SFXN5: variants seen among roughly 807,000 people sequenced by gnomAD.
SFXN5 encodes sideroflexin 5.
Under a neutral mutation model 50.2 loss-of-function variants are expected in SFXN5, and 43 were observed. The ratio of observed to expected loss-of-function variants is 0.86; its 90% CI spans 0.67 to 1.11. The LOEUF (loss-of-function observed/expected upper bound fraction) is 1.11, where lower values mean the gene tolerates loss of function less well. Among genes scored for constraint, SFXN5 ranks in the 50% least tolerant of loss-of-function variants. The probability of loss-of-function intolerance (pLI) is 0.00; values close to 1 mark genes in which losing one functional copy is unlikely to be tolerated. For missense variants in SFXN5, 463 were observed against 454.1 expected (o/e 1.02, Z -0.18); for synonymous variants, 203 against 185.8 (o/e 1.09, Z -0.75).
chr2:72,973,707 C>T lies in SFXN5; in HGVS notation c.626-2022G>A, dbSNP rs995730746. ...ATATCTCTCCCGCCTCAGCCCCAGG[C>T]GCCCAGGGCTCAGGGCCCAGAAGGG... On this transcript the variant is annotated intron_variant, in intron 10 of 13. Coordinates refer to ENST00000272433, the MANE Select transcript of SFXN5 (RefSeq NM_144579.3). The surrounding 1 kb of genome is among the most constrained non-coding windows in gnomAD (Gnocchi z 5.5). Among the ~76,000 whole-genome samples, 1 of 152,186 alleles carries T rather than the reference C, an allele frequency of 6.6e-6. No individual in the cohort carries two copies.
intron 1 of SFXN5, chr2:73,071,012 G>C (rs1020018878): frequency 6.6e-6 from 1 of 152,556 alleles, no homozygotes; most frequent in Non-Finnish European, 1.5e-5. Context: ...TGGAGAGCAG[G>C]GACGGGGGAC....
chr2:73,055,069 G>C (rs1024554195), intron 2 of SFXN5, among the ~76,000 whole-genome samples: 1 of 152,200 alleles, frequency 6.6e-6, no homozygotes, highest in African/African-American at 2.4e-5. Context: ...CTAGGCCCAG[G>C]TGCCCAGCAA....
In SFXN5 at chr2:72,973,317, A is replaced by C. The variant is rs1186978245; in HGVS notation, c.626-1632T>G. On this transcript the variant is annotated intron_variant, in intron 10 of 13. Coordinates refer to ENST00000272433, the MANE Select transcript of SFXN5 (RefSeq NM_144579.3). The surrounding 1 kb of genome is among the most constrained non-coding windows in gnomAD (Gnocchi z 5.5). Reference sequence around the variant, plus strand: ...CTCCTGCCCCACAACAGGCATGCTCACCTGCCCTAAACAGCCGCTCTCTGC... The same window carrying C: ...CTCCTGCCCCACAACAGGCATGCTCCCCTGCCCTAAACAGCCGCTCTCTGC... 5.9e-6 allele frequency: 1 copy of C among 168,944 alleles called. No individual in the cohort carries two copies. The highest frequency in any genetic ancestry group is 1.5e-5 in the Non-Finnish European group (1 of 68,154). 10.5% of individuals were successfully genotyped at this position (168,944 alleles called of 1,614,324 possible).
intron 9 of SFXN5, among the ~76,000 whole-genome samples, chr2:72,991,642 A>G (rs998588513): frequency 3.3e-5 from 5 of 152,258 alleles, no homozygotes; most frequent in Non-Finnish European, 5.9e-5. Context: ...GCTGCAGACC[A>G]GGGGTTAGGA....
At chr2:72,970,350 G>GT (rs1559103129) in intron 11 of SFXN5, among the ~76,000 whole-genome samples, 1 of 152,226 alleles carries the variant, frequency 6.6e-6, no homozygotes, top group Non-Finnish European at 1.5e-5. Flanking sequence ...TCCAGTGCCA[G>GT]TGCAGGGAGC....
At chr2:73,028,234 G>C (rs1426101783) in intron 3 of SFXN5, among the ~76,000 whole-genome samples, 3 of 152,248 alleles carry the variant, frequency 2.0e-5, no homozygotes, top group African/African-American at 7.2e-5. Flanking sequence ...AGTGAGGCAT[G>C]ACTGTATCTT....
chr2:72,958,574 C>T (rs1411588391), intron 13 of SFXN5, among the ~76,000 whole-genome samples: 1 of 152,156 alleles, frequency 6.6e-6, no homozygotes, highest in Admixed American at 6.5e-5. Context: ...CACAGAGGTA[C>T]CTATAAACAC....
rs142517034 is a variant in SFXN5, at chr2:72,994,428, C to T, written c.534+4521G>A. On this transcript the variant is annotated intron_variant, in intron 9 of 13. Coordinates refer to ENST00000272433, the MANE Select transcript of SFXN5 (RefSeq NM_144579.3). ...TAGTGAAGGTTAACAGCCACTGCAT[C>T]CTACACAGAAGGGACCCCCCAGGGC... 1.4e-3 allele frequency among the ~76,000 whole-genome samples: 209 copies of T among 152,244 alleles called. 1 individual carries two copies. Among genetic ancestry groups the T allele is most frequent in the African/African-American group, 4.7e-3 (194 of 41,550 alleles).
intron 6 of SFXN5, among the ~76,000 whole-genome samples, chr2:73,007,939 G>A (rs1003634335): frequency 1.3e-5 from 2 of 152,206 alleles, no homozygotes; most frequent in African/African-American, 4.8e-5. Context: ...CTTCACTGGA[G>A]CGACACCTCC....
chr2:73,017,126 G>A (rs184323268), intron 6 of SFXN5, among the ~76,000 whole-genome samples: 37 of 152,222 alleles, frequency 2.4e-4, no homozygotes, highest in African/African-American at 5.5e-4. Context: ...ACCATCGTAC[G>A]TCAGACACAT....
At chr2:73,054,347 A>C (rs1176042808) in intron 2 of SFXN5, among the ~76,000 whole-genome samples, 2 of 152,230 alleles carry the variant, frequency 1.3e-5, no homozygotes, top group Non-Finnish European at 2.9e-5. Flanking sequence ...GTAAATATTT[A>C]AGTTGCCTTG....
At chr2:72,966,133 C>A (rs1375305504) in intron 12 of SFXN5, among the ~76,000 whole-genome samples, 1 of 152,210 alleles carries the variant, frequency 6.6e-6, no homozygotes, top group Non-Finnish European at 1.5e-5. Context: ...GAGACTCCAT[C>A]CTCCCTGGGC....
At chr2:73,068,747 G>C (rs1285096545) in intron 1 of SFXN5, among the ~76,000 whole-genome samples, 1 of 152,058 alleles carries the variant, frequency 6.6e-6, no homozygotes, top group African/African-American at 2.4e-5. Flanking sequence ...ATAGTCAACA[G>C]AGAGACACAG....
intron 12 of SFXN5, among the ~76,000 whole-genome samples, chr2:72,962,565 C>T (rs990210467): frequency 1.3e-5 from 2 of 152,206 alleles, no homozygotes; most frequent in African/African-American, 4.8e-5. Flanking sequence ...TTTTAACCCT[C>T]CATGAGTCTA....
intron 6 of SFXN5, among the ~76,000 whole-genome samples, chr2:73,009,811 C>T (rs1176805584): frequency 6.6e-6 from 1 of 152,108 alleles, no homozygotes; most frequent in Non-Finnish European, 1.5e-5. Context: ...CCTACAGGGC[C>T]ATAGTGACCC....
intron 9 of SFXN5, among the ~76,000 whole-genome samples, chr2:72,988,892 G>A (rs2105582379): frequency 6.6e-6 from 1 of 152,238 alleles, no homozygotes; most frequent in Non-Finnish European, 1.5e-5. Flanking sequence ...CAGGATGGAG[G>A]GTGAGGCGGA....
At chr2:73,071,573 G>A (rs1000684257) in intron 1 of SFXN5, 31 bp downstream of exon 1, 7 of 1,598,682 alleles carry the variant, frequency 4.4e-6, no homozygotes, top group Non-Finnish European at 6.0e-6. Flanking sequence ...TTTGCCACCC[G>A]CCGGCCCGCA....
At chr2:72,978,586 A>G (rs1026924412) in intron 10 of SFXN5, among the ~76,000 whole-genome samples, 2 of 152,060 alleles carry the variant, frequency 1.3e-5, no homozygotes, top group African/African-American at 4.8e-5. Flanking sequence ...CCCGGCCCAG[A>G]TGAACAAAAA....
At chr2:72,993,637 C>T (rs1048648179) in intron 9 of SFXN5, among the ~76,000 whole-genome samples, 4 of 152,204 alleles carry the variant, frequency 2.6e-5, no homozygotes, top group African/African-American at 9.7e-5. Flanking sequence ...CTGCAGGCTT[C>T]TGAACACTGC....
Sources: gnomAD v4.1 joint callset for allele counts (sites outside exome capture counted in the v4.1 genomes callset) on GRCh38, gnomAD v4.1.1 for gene constraint, Gnocchi (gnomAD v3.1) non-coding constraint, MANE v1.5 for transcripts, NCBI Gene and HGNC (gene_info 2026-07-23, HGNC 2026-07-21) for gene names.